DAW1: variants seen among roughly 807,000 people sequenced by gnomAD.
The protein encoded by DAW1 is dynein assembly factor with WD repeat domains 1.
A neutral mutation model predicts 56.5 loss-of-function variants in DAW1; 47 were observed. The ratio of observed to expected loss-of-function variants is 0.83; its 90% CI spans 0.66 to 1.06. The LOEUF is 1.06. Ranked by LOEUF, DAW1 falls within the 50% of genes least tolerant of loss-of-function variation. The probability of loss-of-function intolerance (pLI) is 0.00; values close to 1 mark genes in which losing one functional copy is unlikely to be tolerated. For missense variants in DAW1, 505 were observed against 499.3 expected (o/e 1.01, Z -0.11); for synonymous variants, 190 against 179.0 (o/e 1.06, Z -0.49).
At chr2:227,884,779 G>A (rs1283503153) in intron 1 of DAW1, among the ~76,000 whole-genome samples, 1 of 152,174 alleles carries the variant, frequency 6.6e-6, no homozygotes, top group Non-Finnish European at 1.5e-5. Context: ...TGTCACCGTT[G>A]CCCCTTTTGC....
At chr2:227,910,316 A>C (rs746088501) in intron 10 of DAW1, among the ~76,000 whole-genome samples, 1 of 152,020 alleles carries the variant, frequency 6.6e-6, no homozygotes, top group East Asian at 1.9e-4. Context: ...AGCTAATTAA[A>C]ACAAAAATTA....
chr2:227,893,049 C>G (rs1691309774), intron 4 of DAW1, among the ~76,000 whole-genome samples: 1 of 151,684 alleles, frequency 6.6e-6, no homozygotes. Flanking sequence ...GTGGGCAGAT[C>G]ACGAGGTCAG....
chr2:227,906,704 G>A (rs530620291), intron 9 of DAW1, among the ~76,000 whole-genome samples: 2 of 152,230 alleles, frequency 1.3e-5, no homozygotes, highest in South Asian at 4.2e-4. Context: ...TGGTTACTAA[G>A]AGATTATACT....
chr2:227,901,625 C>A (rs566517329), intron 6 of DAW1, among the ~76,000 whole-genome samples: 91 of 152,184 alleles, frequency 6.0e-4, no homozygotes, highest in African/African-American at 2.0e-3. Context: ...AACTAGAGAA[C>A]AAAGGATTCA....
intron 9 of DAW1, 36 bp downstream of exon 9, chr2:227,906,374 G>A (rs765366165): frequency 6.9e-7 from 1 of 1,444,026 alleles, no homozygotes; most frequent in Admixed American, 1.7e-5. Flanking sequence ...GCTTTATATT[G>A]TGTCTATACT....
At chr2:227,894,911 C>A (rs1691371316) in intron 5 of DAW1, among the ~76,000 whole-genome samples, 1 of 152,182 alleles carries the variant, frequency 6.6e-6, no homozygotes, top group Non-Finnish European at 1.5e-5. Context: ...GTTGTACTTT[C>A]AATTGTAATT....
intron 10 of DAW1, among the ~76,000 whole-genome samples, chr2:227,913,580 A>G (rs965211412): frequency 6.6e-6 from 1 of 152,158 alleles, no homozygotes; most frequent in African/African-American, 2.4e-5. Flanking sequence ...CTTGATATTC[A>G]TGTATAATGC....
chr2:227,883,169 C>A (rs1691049607), intron 1 of DAW1, among the ~76,000 whole-genome samples: 2 of 152,174 alleles, frequency 1.3e-5, no homozygotes, highest in South Asian at 4.1e-4. Context: ...GAGCCCACAA[C>A]TTTCAAGCAA....
intron 10 of DAW1, among the ~76,000 whole-genome samples, chr2:227,911,994 A>G (rs961571059): frequency 2.6e-5 from 4 of 152,058 alleles, no homozygotes; most frequent in African/African-American, 9.7e-5. Context: ...TCTCATGACC[A>G]TATATCCTGC....
chr2:227,895,244 A>G (rs1156872829), intron 5 of DAW1, among the ~76,000 whole-genome samples: 1 of 152,234 alleles, frequency 6.6e-6, no homozygotes, highest in Non-Finnish European at 1.5e-5. Flanking sequence ...CTTAGCTGAC[A>G]CACAGTCAAA....
At chr2:227,894,792 AC>A (rs1434738878) in intron 5 of DAW1, among the ~76,000 whole-genome samples, 4 of 152,218 alleles carry the variant, frequency 2.6e-5, no homozygotes, top group Admixed American at 2.6e-4. Flanking sequence ...GGCACCCTGA[AC>A]ATCTATAGCA....
In DAW1 at chr2:227,921,305, CTTTTTTTTTTTTTTTTT is replaced by C. The variant is rs556409280; in HGVS notation, c.1051-82_1051-66del. ...GGAAGGTGACATGTGCTGTAATGTCCTTTTTTTTTTTTTTTTTTTTTTTTTTTTGCTGATAAGAAATG... is the reference window on the plus strand; with the variant it reads ...GGAAGGTGACATGTGCTGTAATGTCCTTTTTTTTTTTGCTGATAAGAAATG... On this transcript the variant is annotated intron_variant, in intron 11 of 12. Coordinates refer to ENST00000309931, the MANE Select transcript of DAW1 (RefSeq NM_178821.3). The C allele has an allele frequency of 2.6e-4, 112 of 436,384 alleles. 6 individuals are homozygous for C. The highest frequency in any genetic ancestry group is 3.6e-4 in the Admixed American group (8 of 22,070). 27.0% of individuals were successfully genotyped at this position (436,384 alleles called of 1,614,324 possible). A position where few individuals can be genotyped will look rare whatever the true frequency, so the allele number is the denominator to read the frequency against.
chr2:227,918,661 G>GA, intron 10 of DAW1, 119 bp from the exon 11 acceptor site: 1 of 1,095,500 alleles, frequency 9.1e-7, no homozygotes. Flanking sequence ...CAGGCAAGAA[G>GA]ATGAACTTAG....
chr2:227,883,865 CTT>C (rs927052156), intron 1 of DAW1, among the ~76,000 whole-genome samples: 2 of 152,040 alleles, frequency 1.3e-5, no homozygotes, highest in African/African-American at 4.8e-5. Context: ...TTTAAAACAA[CTT>C]AATAAATATT....
rs1196899216 is a variant in DAW1, at chr2:227,906,210, T to G, written c.756-26T>G. On this transcript the variant is annotated intron_variant, in intron 8 of 12. Coordinates refer to ENST00000309931, the MANE Select transcript of DAW1 (RefSeq NM_178821.3). The stretch of plus-strand genomic sequence containing the variant: ...TATACTGAAGTAAGATATCTTTCAC[T>G]AGTTTTAATTATTTTTGTGTTGTAG... 3 of 1,562,982 alleles carry G rather than the reference T, an allele frequency of 1.9e-6. No individual in the cohort carries two copies. The Admixed American group carries it at 5.1e-5, about 27-fold the overall frequency.
chr2:227,918,947 C>T, intron 11 of DAW1, 91 bp downstream of exon 11: 1 of 1,279,512 alleles, frequency 7.8e-7, no homozygotes, highest in Non-Finnish European at 1.1e-6. Context: ...ATAATCCCAG[C>T]ACTTTGAGAG....
chr2:227,918,186 TCCATC>T (rs1252480864), intron 10 of DAW1, among the ~76,000 whole-genome samples: 1 of 79,478 alleles, frequency 1.3e-5, no homozygotes. Flanking sequence ...CATCCATCCA[TCCATC>T]CATCCATCCA....
intron 1 of DAW1, among the ~76,000 whole-genome samples, chr2:227,882,811 T>A (rs1002807255): frequency 1.3e-5 from 2 of 152,196 alleles, no homozygotes; most frequent in Non-Finnish European, 2.9e-5. Flanking sequence ...GTTTGGTAGT[T>A]CCTCCTGCAT....
At chr2:227,898,553 C>A (rs1309946439) in intron 6 of DAW1, among the ~76,000 whole-genome samples, 2 of 152,096 alleles carry the variant, frequency 1.3e-5, no homozygotes, top group Non-Finnish European at 2.9e-5. Context: ...ATCTCTTGAC[C>A]TCGTGATCCA....
Sources: gnomAD v4.1 joint callset for allele counts (sites outside exome capture counted in the v4.1 genomes callset) on GRCh38, gnomAD v4.1.1 for gene constraint, MANE v1.5 for transcripts, NCBI Gene and HGNC (gene_info 2026-07-23, HGNC 2026-07-21) for gene names.